Variants in KDM2A observed in about 807,000 individuals in gnomAD.
KDM2A encodes the protein lysine demethylase 2A.
In KDM2A, 3 loss-of-function variants were observed where a neutral mutation model predicts 137.3. The ratio of observed to expected loss-of-function variants is 0.02; its 90% CI spans 0.01 to 0.06. The LOEUF is 0.06. Ranked by LOEUF, KDM2A falls within the 10% of genes least tolerant of loss-of-function variation. KDM2A has a pLI of 1.00. For missense variants in KDM2A, 738 were observed against 1,510.6 expected, an observed-to-expected ratio of 0.49 and a Z score of 8.48; for synonymous variants, 512 against 541.5, an observed-to-expected ratio of 0.95 and a Z score of 0.76.
At chr11:67,202,242 T>G (rs963207543) in intron 5 of KDM2A, among the ~76,000 whole-genome samples, 2 of 152,208 alleles carry the variant, frequency 1.3e-5, no homozygotes, top group African/African-American at 4.8e-5. Context: ...TTTGTTTTTT[T>G]AAGATGGAAT....
At chr11:67,198,812 T>C (rs1203054597) in intron 5 of KDM2A, among the ~76,000 whole-genome samples, 1 of 151,452 alleles carries the variant, frequency 6.6e-6, no homozygotes, top group Non-Finnish European at 1.5e-5. Context: ...GGAGTCTCAC[T>C]CTGTTGCCCA....
At chr11:67,146,099 C>T (rs1328064748) in intron 2 of KDM2A, among the ~76,000 whole-genome samples, 1 of 151,056 alleles carries the variant, frequency 6.6e-6, no homozygotes, top group South Asian at 2.1e-4. Flanking sequence ...TCAAGCGATT[C>T]TCCTGTCTCA....
Position 67,240,674 on chromosome 11 carries a change from C to G in KDM2A, c.1480-2335C>G, listed in dbSNP as rs568346622. Reference sequence around the variant, plus strand: ...AAATGTTCTCCCGAATGCCTGGAGCCGAGATAGGCGTCAGCCTTTCCCGCA... The same window carrying G: ...AAATGTTCTCCCGAATGCCTGGAGCGGAGATAGGCGTCAGCCTTTCCCGCA... On this transcript the variant is annotated intron_variant, in intron 12 of 20. Transcript: ENST00000529006. 1.3e-3 allele frequency among the ~76,000 whole-genome samples: 197 copies of G among 152,272 alleles called. 1 individual carries two copies. The highest frequency in any genetic ancestry group is 0.012 in the South Asian group (59 of 4,830).
intron 2 of KDM2A, among the ~76,000 whole-genome samples, chr11:67,147,900 A>C (rs117509869): frequency 0.029 from 4,424 of 151,970 alleles, 100 homozygotes; most frequent in Non-Finnish European, 0.041. Flanking sequence ...GCTGTTCTGG[A>C]ACTCCTGACC....
rs542635268 is a variant in KDM2A, at chr11:67,155,092, G to A, written c.43-24987G>A. ...TGCAGTGGTGCCATCTTGGCTCACTGCAACCTCTGCCTCCCAGGCTCATGC... is the reference window on the plus strand; with the variant it reads ...TGCAGTGGTGCCATCTTGGCTCACTACAACCTCTGCCTCCCAGGCTCATGC... On this transcript the variant is annotated intron_variant, in intron 2 of 20. Transcript: ENST00000529006. Among the ~76,000 whole-genome samples the A allele has an allele frequency of 1.5e-4, 23 of 152,236 alleles. No homozygotes were observed. In the South Asian group the frequency reaches 4.6e-3, roughly 30 times the overall value.
chr11:67,126,596 T>C (rs1004023672), intron 2 of KDM2A, among the ~76,000 whole-genome samples: 1 of 150,958 alleles, frequency 6.6e-6, no homozygotes, highest in Non-Finnish European at 1.5e-5. Flanking sequence ...TAGTCCCAGC[T>C]ACTCAGGAGG....
At chr11:67,172,651 G>GT in intron 2 of KDM2A, among the ~76,000 whole-genome samples, 3 of 135,134 alleles carry the variant, frequency 2.2e-5, no homozygotes, top group African/African-American at 8.6e-5. Context: ...TGTGTGTGTG[G>GT]ATTCCTTATA....
At chr11:67,132,326 C>G (rs1855872875) in intron 2 of KDM2A, among the ~76,000 whole-genome samples, 1 of 152,170 alleles carries the variant, frequency 6.6e-6, no homozygotes, top group Admixed American at 6.5e-5. Flanking sequence ...CTGCGATGTC[C>G]AGGCTAGAGT....
rs1305221175 is a variant in KDM2A at position 67,181,180 on chromosome 11, T to G, written c.182-140T>G. 2.8e-5 allele frequency: 13 copies of G among 461,338 alleles called. No homozygotes were observed. The East Asian group carries it at 4.3e-4, about 15-fold the overall frequency. 28.6% of individuals were successfully genotyped at this position (461,338 alleles called of 1,614,324 possible). On this transcript the variant is annotated intron_variant, in intron 3 of 20. Transcript: ENST00000529006. ...TAAGAGATGCTTCTTACTAAGCATATATTTTATTGACTAACAGCATAACTA... is the reference window on the plus strand; with the variant it reads ...TAAGAGATGCTTCTTACTAAGCATAGATTTTATTGACTAACAGCATAACTA...
intron 9 of KDM2A, among the ~76,000 whole-genome samples, chr11:67,218,823 C>T (rs542968441): frequency 3.9e-5 from 6 of 152,230 alleles, no homozygotes; most frequent in Admixed American, 2.6e-4. Flanking sequence ...GTTGGCCAGG[C>T]TGGTCTTGAA....
At chr11:67,195,043 AT>A in intron 5 of KDM2A, among the ~76,000 whole-genome samples, 1 of 152,304 alleles carries the variant, frequency 6.6e-6, no homozygotes, top group East Asian at 1.9e-4. Context: ...AGTGTAGAAT[AT>A]ATGCAATTCT....
At chr11:67,244,355 G>A (rs909719986) in intron 13 of KDM2A, among the ~76,000 whole-genome samples, 2 of 152,148 alleles carry the variant, frequency 1.3e-5, no homozygotes, top group African/African-American at 4.8e-5. Flanking sequence ...CTACCAGTTC[G>A]TATGCTTGAA....
chr11:67,230,801 A>C (rs183230231), intron 11 of KDM2A, among the ~76,000 whole-genome samples: 10 of 152,330 alleles, frequency 6.6e-5, no homozygotes, highest in Admixed American at 2.6e-4. Context: ...ATAAAAGAAA[A>C]GACTGGTGAA....
intron 2 of KDM2A, among the ~76,000 whole-genome samples, chr11:67,135,194 G>T (rs896344669): frequency 6.6e-6 from 1 of 151,764 alleles, no homozygotes; most frequent in East Asian, 1.9e-4. Context: ...TCAGCCTCCC[G>T]AGTAGCTGGG....
intron 2 of KDM2A, among the ~76,000 whole-genome samples, chr11:67,164,046 A>G (rs762906469): frequency 1.3e-5 from 2 of 152,136 alleles, no homozygotes; most frequent in Non-Finnish European, 2.9e-5. Context: ...CCACTACTCT[A>G]TACAGCCTCT....
At chr11:67,192,061 C>T (rs1479757375) in intron 5 of KDM2A, among the ~76,000 whole-genome samples, 1 of 152,042 alleles carries the variant, frequency 6.6e-6, no homozygotes, top group African/African-American at 2.4e-5. Flanking sequence ...ATCTATAAAC[C>T]CAAAATGAAG....
chr11:67,142,340 A>G (rs1856125142), intron 2 of KDM2A, among the ~76,000 whole-genome samples: 1 of 148,944 alleles, frequency 6.7e-6, no homozygotes, highest in Non-Finnish European at 1.5e-5. Context: ...CCCACTGTAT[A>G]TCTAGTTTTT....
chr11:67,243,073 A>G lies in KDM2A; in HGVS notation c.1544A>G (p.Gln515Arg), dbSNP rs777136756. The G allele has an allele frequency of 1.2e-6, 2 of 1,613,280 alleles. No individual in the cohort carries two copies. Among genetic ancestry groups the G allele is most frequent in the East Asian group, 2.2e-5 (1 of 44,884 alleles). The change falls in exon 13 of 21, where the codon CAG becomes CGG. Residue 515 changes from glutamine to arginine, a missense_variant. This residue lies in a region of KDM2A where 71 missense variants were observed against 147.9 expected (regional missense o/e 0.48). Transcript: ENST00000529006. ...GCCCTCACTGGAGTTCCTATAGTAC[A>G]GTGGCCAAAAAGGGATAAGGTAAGA... ...KLALTGVPIVQWPKRDKLKFP... is the reference protein window; with the variant it reads ...KLALTGVPIVRWPKRDKLKFP...
chr11:67,128,552 A>C (rs555357328), intron 2 of KDM2A, among the ~76,000 whole-genome samples: 2 of 152,282 alleles, frequency 1.3e-5, no homozygotes, highest in South Asian at 4.1e-4. Flanking sequence ...ATAATGTAGG[A>C]AAAACTTGAC....
Sources: allele counts gnomAD v4.1 joint callset (sites outside exome capture counted in the v4.1 genomes callset), GRCh38; gene constraint gnomAD v4.1.1; regional missense constraint gnomAD v4.1.1; transcripts MANE v1.5; gene names NCBI Gene and HGNC (gene_info 2026-07-23, HGNC 2026-07-21).